CRISP2: variants seen among roughly 807,000 people sequenced by gnomAD.
CRISP2 encodes the protein cysteine rich secretory protein 2.
CRISP2 carries 29 observed loss-of-function variants against 31.7 expected under a neutral mutation model. The observed-to-expected ratio is 0.92, with a 90% CI of 0.68 to 1.25. The LOEUF is 1.25. Ranked by LOEUF, CRISP2 falls within the 50% of genes most tolerant of loss-of-function variation. The pLI is 0.00. For synonymous variants in CRISP2, 111 were observed against 101.4 expected, an observed-to-expected ratio of 1.09 and a Z score of -0.57; for missense variants, 318 against 286.5, an observed-to-expected ratio of 1.11 and a Z score of -0.79.
At chr6:49,680,196 A>G in the CRISP2 span, among the ~76,000 whole-genome samples, 1 of 151,906 alleles carries the variant, frequency 6.6e-6, no homozygotes, top group Non-Finnish European at 1.5e-5. Context: ...GTTCCCCTGT[A>G]TGTGTCCATG....
chr6:49,713,624 C>T (rs960904783), upstream of CRISP2: 2 of 152,208 alleles, frequency 1.3e-5, no homozygotes, highest in Non-Finnish European at 2.9e-5. Context: ...CTTTCATCGC[C>T]GCTATCTGCC....
At chr6:49,701,300 C>G (rs1220088987) in intron 4 of CRISP2, among the ~76,000 whole-genome samples, 1 of 151,766 alleles carries the variant, frequency 6.6e-6, no homozygotes, top group Admixed American at 6.6e-5. Flanking sequence ...CCCAAGTCCC[C>G]AAAGTCAATT....
At chr6:49,678,601 G>T in the CRISP2 span, among the ~76,000 whole-genome samples, 1 of 152,092 alleles carries the variant, frequency 6.6e-6, no homozygotes, top group Non-Finnish European at 1.5e-5. Flanking sequence ...ATTTGTAATT[G>T]CAGAGAGTGT....
At chr6:49,701,713 TATA>T (rs1765871175) in intron 4 of CRISP2, among the ~76,000 whole-genome samples, 4 of 67,012 alleles carry the variant, frequency 6.0e-5, no homozygotes, top group African/African-American at 1.7e-4. Context: ...TGTATACATA[TATA>T]ATGTATATAT....
chr6:49,692,649 G>A lies in CRISP2; in HGVS notation c.*124C>T, dbSNP rs1561857407. The A allele has an allele frequency of 2.3e-6, 2 of 862,202 alleles. No homozygotes were observed. Among genetic ancestry groups the A allele is most frequent in the African/African-American group, 3.4e-5 (2 of 59,116 alleles). The allele number at this position is 862,202 out of a possible 1,614,324, so 53.4% of individuals were successfully genotyped here. ...AAGTGATTTCTGTGATGATCTGGGG[G>A]AGAAGATGCATTGCTCTTTGAAATC... On this transcript the variant is annotated 3_prime_UTR_variant, in exon 10 of 10. Coordinates refer to ENST00000339139, the MANE Select transcript of CRISP2 (RefSeq NM_003296.4).
chr6:49,682,337 TC>T, the CRISP2 span, among the ~76,000 whole-genome samples: 1 of 152,300 alleles, frequency 6.6e-6, no homozygotes, highest in East Asian at 1.9e-4. Context: ...TATTCAACTG[TC>T]TTCTCTATGC....
intron 4 of CRISP2, among the ~76,000 whole-genome samples, chr6:49,702,475 T>G (rs573784658): frequency 5.3e-5 from 8 of 152,028 alleles, no homozygotes; most frequent in African/African-American, 1.9e-4. Flanking sequence ...TATCTATTAT[T>G]TTTTTAATTA....
At chr6:49,702,270 C>T (rs1043045456) in intron 4 of CRISP2, among the ~76,000 whole-genome samples, 1 of 146,196 alleles carries the variant, frequency 6.8e-6, no homozygotes, top group Non-Finnish European at 1.5e-5. Flanking sequence ...TATAAACATG[C>T]GTGTGCAAGT....
chr6:49,692,283 C>T (rs1764095013), downstream of CRISP2: 1 of 152,264 alleles, frequency 6.6e-6, no homozygotes, highest in Admixed American at 6.5e-5. Flanking sequence ...AGAATCATAT[C>T]ATATGGTTGC....
chr6:49,678,253 C>T, the CRISP2 span, among the ~76,000 whole-genome samples: 1 of 152,130 alleles, frequency 6.6e-6, no homozygotes, highest in African/African-American at 2.4e-5. Context: ...AGAGAAAAAT[C>T]ATCTATTACT....
intron 4 of CRISP2, among the ~76,000 whole-genome samples, chr6:49,703,449 A>G (rs1766462152): frequency 6.6e-6 from 1 of 152,118 alleles, no homozygotes; most frequent in Non-Finnish European, 1.5e-5. Context: ...ATCCATCCAT[A>G]AGCATGGGAT....
the CRISP2 span, among the ~76,000 whole-genome samples, chr6:49,680,486 A>T: frequency 1.3e-5 from 2 of 152,218 alleles, no homozygotes; most frequent in Non-Finnish European, 2.9e-5. Context: ...TCTTTATGAT[A>T]GAACAACTCA....
intron 4 of CRISP2, among the ~76,000 whole-genome samples, chr6:49,705,884 C>T (rs1367033439): frequency 6.6e-6 from 1 of 152,146 alleles, no homozygotes; most frequent in Non-Finnish European, 1.5e-5. Flanking sequence ...AGTGTTTCAG[C>T]TATCTCACAG....
intron 4 of CRISP2, among the ~76,000 whole-genome samples, chr6:49,705,944 G>A (rs1766943549): frequency 6.6e-6 from 1 of 152,026 alleles, no homozygotes; most frequent in Non-Finnish European, 1.5e-5. Context: ...AATTCTTTCA[G>A]TTTTCCTGCC....
intron 4 of CRISP2, among the ~76,000 whole-genome samples, chr6:49,701,661 A>C (rs1481002569): frequency 7.9e-6 from 1 of 127,068 alleles, no homozygotes; most frequent in Non-Finnish European, 1.6e-5. Context: ...TACATTATAT[A>C]TGTATACATT....
chr6:49,682,646 CTT>C, the CRISP2 span, among the ~76,000 whole-genome samples: 1 of 63,274 alleles, frequency 1.6e-5, no homozygotes, highest in Non-Finnish European at 2.9e-5. Flanking sequence ...TTTCTTTCTT[CTT>C]TCTTTCTTTT....
chr6:49,679,456 C>T, the CRISP2 span, among the ~76,000 whole-genome samples: 3 of 152,002 alleles, frequency 2.0e-5, no homozygotes, highest in Non-Finnish European at 4.4e-5. Context: ...GTTTTTTGAA[C>T]TTAAAATGAG....
At chr6:49,693,694 A>G (rs1764276836) in intron 9 of CRISP2, among the ~76,000 whole-genome samples, 1 of 152,026 alleles carries the variant, frequency 6.6e-6, no homozygotes, top group African/African-American at 2.4e-5. Context: ...AAGCTCACTG[A>G]TTCTTCTGTT....
intron 9 of CRISP2, among the ~76,000 whole-genome samples, chr6:49,693,854 G>C (rs1208902336): frequency 1.3e-5 from 2 of 152,020 alleles, no homozygotes; most frequent in Admixed American, 1.3e-4. Context: ...TTTTATTGAA[G>C]TTTGTTGGGC....
Sources: allele counts gnomAD v4.1 joint callset (sites outside exome capture counted in the v4.1 genomes callset), GRCh38; gene constraint gnomAD v4.1.1; transcripts MANE v1.5; gene names NCBI Gene and HGNC (gene_info 2026-07-23, HGNC 2026-07-21).